Variants in ECPAS observed in about 807,000 individuals in gnomAD.
ECPAS encodes the protein Ecm29 proteasome adaptor and scaffold, also known as proteasome adapter and scaffold protein ECM29.
A neutral mutation model predicts 255.1 loss-of-function variants in ECPAS; 70 were observed. The observed-to-expected ratio is 0.27, with a 90% CI of 0.23 to 0.33. The LOEUF (loss-of-function observed/expected upper bound fraction) is 0.33, where lower values mean the gene tolerates loss of function less well. Among genes scored for constraint, ECPAS ranks in the 10% least tolerant of loss-of-function variants. The pLI is 1.00. For missense variants in ECPAS, 1,817 were observed against 2,206.4 expected, an observed-to-expected ratio of 0.82 and a Z score of 3.54; for synonymous variants, 784 against 775.0, an observed-to-expected ratio of 1.01 and a Z score of -0.19.
At chr9:111,392,700 G>T in intron 28 of ECPAS, 68 bp downstream of exon 28, 1 of 1,035,924 alleles carries the variant, frequency 9.7e-7, no homozygotes, top group Non-Finnish European at 1.4e-6. Flanking sequence ...TCCTTCTCCA[G>T]CATCTTCTCA....
At chr9:111,463,062 A>G (rs1182535470) in intron 2 of ECPAS, among the ~76,000 whole-genome samples, 1 of 152,172 alleles carries the variant, frequency 6.6e-6, no homozygotes, top group African/African-American at 2.4e-5. Context: ...ATGGATTTCC[A>G]TGTCAGGATA....
rs768679302 is a variant in ECPAS at position 111,428,027 on chromosome 9, G to GA, written c.1050+14dup. 5 of 1,611,282 alleles carry GA rather than the reference G, an allele frequency of 3.1e-6. No homozygotes were observed. Among genetic ancestry groups the GA allele is most frequent in the Admixed American group, 1.7e-5 (1 of 59,608 alleles). On this transcript the variant is annotated intron_variant, in intron 10 of 49. Coordinates refer to ENST00000684092, the MANE Select transcript of ECPAS (RefSeq NM_001364929.1). ...GTTGCAGACAGGCCAATATTCTCTG[G>GA]AAAAAACAAATTACCTGAATGTTGG... is the stretch of plus-strand genomic sequence containing the variant.
intron 17 of ECPAS, 76 bp downstream of exon 17, chr9:111,417,807 T>C: frequency 3.7e-6 from 5 of 1,345,620 alleles, no homozygotes; most frequent in East Asian, 2.7e-5. Context: ...AGTGATTACA[T>C]TTTTCACTTT....
At chr9:111,451,311 G>C (rs941016839) in intron 3 of ECPAS, 114 bp downstream of exon 3, 29 of 1,036,494 alleles carry the variant, frequency 2.8e-5, no homozygotes, top group Non-Finnish European at 3.7e-5. Flanking sequence ...CATTTTGAAA[G>C]GCCATAATTA....
intron 29 of ECPAS, among the ~76,000 whole-genome samples, chr9:111,391,149 A>G (rs2098159305): frequency 6.6e-6 from 1 of 152,168 alleles, no homozygotes; most frequent in South Asian, 2.1e-4. Context: ...AAACGATGGT[A>G]GCAGTTCCGC....
chr9:111,393,787 A>T (rs773942676), intron 26 of ECPAS, 53 bp from the exon 27 acceptor site: 97 of 1,220,100 alleles, frequency 8.0e-5, no homozygotes, highest in Non-Finnish European at 1.1e-4. Context: ...CTTTGAGAGA[A>T]TAAGAGTCTT....
At chr9:111,444,660 T>C (rs1230480276) in intron 3 of ECPAS, among the ~76,000 whole-genome samples, 166 bp from the exon 4 acceptor site, 3 of 152,232 alleles carry the variant, frequency 2.0e-5, no homozygotes, top group Admixed American at 2.0e-4. Context: ...ACTACATGAA[T>C]CTTGTTCAAA....
Position 111,378,600 on chromosome 9 carries a change from G to A in ECPAS, c.3934C>T (p.Arg1312Trp), listed in dbSNP as rs780896966. 4.2e-5 allele frequency: 67 copies of A among 1,613,120 alleles called. No individual in the cohort carries two copies. The Middle Eastern group carries it at 4.9e-4, about 12-fold the overall frequency. Residue 1312 changes from arginine to tryptophan, a missense_variant, in exon 36 of 50, where the codon CGG (arginine) becomes TGG (tryptophan). Physicochemically the swap from Arg to Trp is moderately radical, Grantham distance 101 (BLOSUM62 -3). This residue lies in a region of ECPAS where 960 missense variants were observed against 1,179.0 expected (regional missense o/e 0.81). Transcript: ENST00000684092. ...EPQVLNYLSL[R>W]ATEQEKAAMD... ...CTCACCTTTTCTTGCTCTGTCGCCC[G>A]GAGGCTCAAATAATTGAGAACTTGG... is the stretch of plus-strand genomic sequence containing the variant.
Position 111,410,319 on chromosome 9 carries a change from A to T in ECPAS, c.2378-106T>A, listed in dbSNP as rs961072507. 1.4e-5 allele frequency: 12 copies of T among 879,874 alleles called. No homozygotes were observed. The African/African-American group carries it at 1.9e-4, about 14-fold the overall frequency. The allele number at this position is 879,874 out of a possible 1,614,324, so 54.5% of individuals were successfully genotyped here. A position where few individuals can be genotyped will look rare whatever the true frequency, so the allele number is the denominator to read the frequency against. ...TTTTTTAAGACGGCAAAATAAAATC[A>T]AAGTGTACGATATCTTCTAGTTGAC... On this transcript the variant is annotated intron_variant, in intron 22 of 49. Transcript: ENST00000684092.
In ECPAS at chr9:111,406,848, G is replaced by C. The variant is rs1300206313; in HGVS notation, c.2652+1723C>G. ...AGCCTGGGAGATGTAATGTACTCCA[G>C]CCTTGGTGAGAGAATGAGATCCTAT... is the stretch of plus-strand genomic sequence containing the variant. On this transcript the variant is annotated intron_variant, in intron 24 of 49. Transcript: ENST00000684092. Among the ~76,000 whole-genome samples the C allele has an allele frequency of 1.3e-5, 2 of 149,016 alleles. 1 individual carries two copies. The highest frequency in any genetic ancestry group is 5.1e-5 in the African/African-American group (2 of 38,976).
chr9:111,433,055 TTC>T (rs2098232487), intron 8 of ECPAS, among the ~76,000 whole-genome samples, 176 bp downstream of exon 8: 4 of 152,250 alleles, frequency 2.6e-5, no homozygotes, highest in Admixed American at 6.5e-5. Flanking sequence ...ACAGATTTTC[TTC>T]TCTGTCTTAC....
intron 39 of ECPAS, among the ~76,000 whole-genome samples, 152 bp from the exon 40 acceptor site, chr9:111,373,558 G>A (rs552383521): frequency 1.2e-4 from 18 of 152,214 alleles, no homozygotes; most frequent in South Asian, 4.2e-4. Flanking sequence ...ATATCCATTT[G>A]CTTCCTTTTA....
At chr9:111,410,816 G>C (rs2098192909) in intron 22 of ECPAS, among the ~76,000 whole-genome samples, 164 bp downstream of exon 22, 1 of 152,074 alleles carries the variant, frequency 6.6e-6, no homozygotes, top group Admixed American at 6.5e-5. Flanking sequence ...ACCACACCCA[G>C]CCTTCGTTGT....
At chr9:111,386,252 C>A in intron 32 of ECPAS, 125 bp downstream of exon 32, 1 of 698,564 alleles carries the variant, frequency 1.4e-6, no homozygotes, top group Non-Finnish European at 2.5e-6. Flanking sequence ...GTGTGAGCCA[C>A]CACGCCCGGC....
intron 2 of ECPAS, among the ~76,000 whole-genome samples, chr9:111,466,065 CA>C (rs1162317668): frequency 6.6e-6 from 1 of 151,128 alleles, no homozygotes; most frequent in Non-Finnish European, 1.5e-5. Context: ...AAATATTTTT[CA>C]AAAATCAAAA....
At chr9:111,373,461 C>A in intron 39 of ECPAS, 55 bp from the exon 40 acceptor site, 1 of 1,473,884 alleles carries the variant, frequency 6.8e-7, no homozygotes, top group South Asian at 1.2e-5. Flanking sequence ...ATGTTCCACT[C>A]TGTTCCCAGA....
chr9:111,444,378 T>C lies in ECPAS; in HGVS notation c.270A>G (p.Thr90=). Residue 90 remains threonine (T), a splice_region_variant and synonymous_variant, in exon 4 of 50, where the codon ACA becomes ACG. Coordinates refer to ENST00000684092, the MANE Select transcript of ECPAS (RefSeq NM_001364929.1). ...YQDPAAVSFV[T]NFTIIYVKMG... The stretch of plus-strand genomic sequence containing the variant: ...GAAAATATTCCAATACAACACTCAC[T>C]GTGACAAAGGAAACTGCAGCAGGGT... 1 of 1,600,472 alleles carries C rather than the reference T, an allele frequency of 6.2e-7. No individual in the cohort carries two copies.
In ECPAS at chr9:111,431,260, T is replaced by A. The variant is rs566245673; in HGVS notation, c.849-632A>T. On this transcript the variant is annotated intron_variant, in intron 8 of 49. Coordinates refer to ENST00000684092, the MANE Select transcript of ECPAS (RefSeq NM_001364929.1). ...CCCCACAATAAGGTGAATTCAGATA[T>A]AAGGTGATTGGTGACAGCTGGGCAT... Among the ~76,000 whole-genome samples the A allele has an allele frequency of 1.3e-4, 20 of 152,234 alleles. No individual in the cohort carries two copies. In the South Asian group the frequency reaches 3.9e-3, roughly 30 times the overall value.
Position 111,370,445 on chromosome 9 carries a change from A to G in ECPAS, c.4964T>C (p.Leu1655Pro). ...FQEFSNIVIP[L>P]IKKNSLESSG... ...TACAGGTGGTATTACCTTCTTGATG[A>G]GAGGTATGACAATGTTAGAGAACTC... is the stretch of plus-strand genomic sequence containing the variant. The change falls in exon 45 of 50, where the codon CTC becomes CCC. Residue 1655 changes from leucine to proline, a missense_variant. Leu to Pro is a moderately conservative substitution (Grantham distance 98). Around this residue, in one of 4 missense-constraint regions of ECPAS, gnomAD observed 960 missense variants for 1,179.0 expected, o/e 0.81. Transcript: ENST00000684092. 1 of 1,583,978 alleles carries G rather than the reference A, an allele frequency of 6.3e-7. No homozygotes were observed. The highest frequency in any genetic ancestry group is 8.6e-7 in the Non-Finnish European group (1 of 1,163,910).
Sources: allele counts gnomAD v4.1 joint callset (sites outside exome capture counted in the v4.1 genomes callset), GRCh38; gene constraint gnomAD v4.1.1; regional missense constraint gnomAD v4.1.1; transcripts MANE v1.5; gene names NCBI Gene and HGNC (gene_info 2026-07-23, HGNC 2026-07-21).